FAAH: variants seen among roughly 807,000 people sequenced by gnomAD.
FAAH encodes the protein fatty-acid amide hydrolase 1.
FAAH carries 63 observed loss-of-function variants against 69.7 expected under a neutral mutation model. That is an observed-to-expected ratio of 0.90 (90% confidence interval 0.74 to 1.12). The LOEUF is 1.12. Ranked by LOEUF, FAAH falls within the 50% of genes most tolerant of loss-of-function variation. FAAH has a pLI of 0.00. For missense variants in FAAH, 680 were observed against 755.0 expected (o/e 0.90, Z 1.16); for synonymous variants, 305 against 324.2 (o/e 0.94, Z 0.64).
chr1:46,409,142 G>C lies in FAAH; in HGVS notation c.1119G>C (p.Glu373Asp). Residue 373 changes from glutamate (E) to aspartate (D), a missense_variant, in exon 9 of 15, where the codon GAG becomes GAC. Transcript: ENST00000243167. ...FLPSNIPHAL[E>D]TLSTGGLFSD... ...CAAGCAACATACCCCATGCTCTGGAGACCCTGTCAACAGGTGGGCTCTTCA... is the reference window on the plus strand; with the variant it reads ...CAAGCAACATACCCCATGCTCTGGACACCCTGTCAACAGGTGGGCTCTTCA... 6.2e-7 allele frequency: 1 copy of C among 1,614,038 alleles called. No individual in the cohort carries two copies. The highest frequency in any genetic ancestry group is 1.3e-5 in the African/African-American group (1 of 74,998).
chr1:46,413,396 G>T (rs1279098338), intron 14 of FAAH, 51 bp from the exon 15 acceptor site: 9 of 1,613,478 alleles, frequency 5.6e-6, no homozygotes, highest in African/African-American at 4.0e-5. Flanking sequence ...GGGCCTGGGG[G>T]TGGGGAGTCC....
At chr1:46,401,945 G>T in intron 1 of FAAH, 146 bp from the exon 2 acceptor site, 1 of 730,780 alleles carries the variant, frequency 1.4e-6, no homozygotes, top group Non-Finnish European at 2.4e-6. Flanking sequence ...AGCTTCTGGA[G>T]GAGACAGAGC....
intron 8 of FAAH, 35 bp downstream of exon 8, chr1:46,408,619 C>G (rs141765988): frequency 6.2e-7 from 1 of 1,613,880 alleles, no homozygotes; most frequent in South Asian, 1.1e-5. Flanking sequence ...ACTGGCATCT[C>G]CTCCCCTCAC....
At position 46,402,156 on chromosome 1, in the gene FAAH, C is replaced by T. The variant is rs200047384; in HGVS notation, c.261C>T (p.His87=). Residue 87 remains histidine (H), a synonymous_variant, in exon 2 of 15, where the codon CAC becomes CAT. Transcript: ENST00000243167. ...TGCCTCAGCTGGTGCAGAAGTTACA[C>T]AGTAGAGAGCTGGCCCCTGAGGCCG... is the stretch of plus-strand genomic sequence containing the variant. ...LPLPQLVQKL[H]SRELAPEAVL... is the part of the protein sequence containing the mutation. 3.1e-6 allele frequency: 5 copies of T among 1,609,726 alleles called. No homozygotes were observed. Among genetic ancestry groups the T allele is most frequent in the Non-Finnish European group, 4.2e-6 (5 of 1,178,080 alleles).
intron 2 of FAAH, among the ~76,000 whole-genome samples, chr1:46,403,847 G>T (rs1252307366): frequency 6.6e-6 from 1 of 152,258 alleles, no homozygotes; most frequent in African/African-American, 2.4e-5. Context: ...TTTGTGGACA[G>T]AGCTTGTCTC....
At chr1:46,406,441 C>G (rs952647627) in intron 7 of FAAH, 73 bp downstream of exon 7, 3 of 1,598,050 alleles carry the variant, frequency 1.9e-6, no homozygotes, top group South Asian at 1.1e-5. Context: ...GTGGGCAGGC[C>G]TTGGAGCCCC....
At position 46,402,178 on chromosome 1, in the gene FAAH, G is replaced by T; in HGVS notation, c.283G>T (p.Ala95Ser). ...ACACAGTAGAGAGCTGGCCCCTGAGGCCGTGCTCTTCACCTATGTGGGAAA... is the reference window on the plus strand; with the variant it reads ...ACACAGTAGAGAGCTGGCCCCTGAGTCCGTGCTCTTCACCTATGTGGGAAA... The part of the protein sequence containing the change: ...KLHSRELAPE[A>S]VLFTYVGKAW... Residue 95 changes from alanine (A) to serine (S), a missense_variant, in exon 2 of 15, where the codon GCC (alanine) becomes TCC (serine). By Grantham distance (99) the Ala-to-Ser change is moderately conservative. Transcript: ENST00000243167. 6.2e-7 allele frequency: 1 copy of T among 1,606,054 alleles called. No individual in the cohort carries two copies. The highest frequency in any genetic ancestry group is 1.1e-5 in the South Asian group (1 of 89,524).
chr1:46,407,063 A>G (rs1400835744), intron 7 of FAAH, among the ~76,000 whole-genome samples: 1 of 151,668 alleles, frequency 6.6e-6, no homozygotes. Context: ...TGCAGACCCC[A>G]GCTCATGTAG....
chr1:46,394,673 C>G, intron 1 of FAAH, 130 bp downstream of exon 1: 1 of 814,998 alleles, frequency 1.2e-6, no homozygotes, highest in Non-Finnish European at 1.7e-6. Context: ...AGAATCTCTC[C>G]TTGCCCTAAG....
intron 8 of FAAH, 109 bp from the exon 9 acceptor site, chr1:46,408,992 A>G (rs1664850703): frequency 1.2e-6 from 1 of 854,948 alleles, no homozygotes; most frequent in Non-Finnish European, 2.0e-6. Flanking sequence ...AGTGAGAGCT[A>G]TCTTGTGGGC....
At position 46,405,687 on chromosome 1, in the gene FAAH, G is replaced by T. The variant is rs573840685; in HGVS notation, c.678G>T (p.Gly226=). The T allele has an allele frequency of 6.2e-7, 1 of 1,613,584 alleles. No homozygotes were observed. Among genetic ancestry groups the T allele is most frequent in the Admixed American group, 1.7e-5 (1 of 60,032 alleles). Residue 226 remains glycine (G), a synonymous_variant, in exon 5 of 15, where the codon GGG becomes GGT. Transcript: ENST00000243167. The surrounding 1 kb of genome is among the most constrained non-coding windows in gnomAD (Gnocchi z 4.1). The part of the protein sequence containing the change: ...GSSGGEGALI[G]SGGSPLGLGT... The stretch of plus-strand genomic sequence containing the variant: ...CAGGGGGTGAAGGGGCCCTCATCGG[G>T]TCTGGAGGCTCCCCCCTGGGCTTAG...
At position 46,404,996 on chromosome 1, in the gene FAAH, C is replaced by G. The variant is rs1162331808; in HGVS notation, c.310-18C>G. ...AGGCCAGCCTCCTTTTATCTTATGT[C>G]TACTTCCCCTTCCTCAGGCCTGGGA... On this transcript the variant is annotated intron_variant, in intron 2 of 14. Coordinates refer to ENST00000243167, the MANE Select transcript of FAAH (RefSeq NM_001441.3). This position sits in a 1 kb window ranked among gnomAD's most constrained non-coding sequence, Gnocchi z 4.5. 6.2e-7 allele frequency: 1 copy of G among 1,613,998 alleles called. No homozygotes were observed. Among genetic ancestry groups the G allele is most frequent in the Non-Finnish European group, 8.5e-7 (1 of 1,180,028 alleles).
chr1:46,405,697 TC>T lies in FAAH; in HGVS notation c.694del (p.Leu232TrpfsTer3). ...AGGGGCCCTCATCGGGTCTGGAGGC[TC>T]CCCCCTGGGCTTAGGCACTGATATC... is the stretch of plus-strand genomic sequence containing the variant. ...GEGALIGSGG[S>X]PLGLGTDIGG... On this transcript the variant is annotated frameshift_variant, in exon 5 of 15. Transcript: ENST00000243167. LOFTEE classifies it high-confidence loss of function. This position sits in a 1 kb window ranked among gnomAD's most constrained non-coding sequence, Gnocchi z 4.1. 2 of 1,613,392 alleles carry T rather than the reference TC, an allele frequency of 1.2e-6. No homozygotes were observed. Among genetic ancestry groups the T allele is most frequent in the Non-Finnish European group, 8.5e-7 (1 of 1,180,002 alleles).
rs200678474 is a variant in FAAH, at chr1:46,411,898, C to G, written c.1357-245C>G. Among the ~76,000 whole-genome samples, 5 of 152,384 alleles carry G rather than the reference C, an allele frequency of 3.3e-5. No individual in the cohort carries two copies. In the East Asian group the frequency reaches 9.6e-4, roughly 29 times the overall value. On this transcript the variant is annotated intron_variant, in intron 12 of 14. Transcript: ENST00000243167. This position sits in a 1 kb window ranked among gnomAD's most constrained non-coding sequence, Gnocchi z 4.8. ...TGGCCGCCTTTTTGCCCCTCTGGAGCTGCCTTTGTGTGGCTCCGCCTCAGC... is the reference window on the plus strand; with the variant it reads ...TGGCCGCCTTTTTGCCCCTCTGGAGGTGCCTTTGTGTGGCTCCGCCTCAGC...
chr1:46,405,227 G>GC lies in FAAH; in HGVS notation c.444+82dup. On this transcript the variant is annotated intron_variant, in intron 3 of 14. Transcript: ENST00000243167. This position sits in a 1 kb window ranked among gnomAD's most constrained non-coding sequence, Gnocchi z 4.1. ...TGCTCTGCATCTTGGGTCATTTTGGGCCCTTAGAGGAGGTATCAGGTCCAG... is the reference window on the plus strand; with the variant it reads ...TGCTCTGCATCTTGGGTCATTTTGGGCCCCTTAGAGGAGGTATCAGGTCCAG... 1 of 1,612,198 alleles carries GC rather than the reference G, an allele frequency of 6.2e-7. No individual in the cohort carries two copies. The highest frequency in any genetic ancestry group is 8.5e-7 in the Non-Finnish European group (1 of 1,179,756).
chr1:46,405,334 C>G lies in FAAH; in HGVS notation c.445-38C>G. The G allele has an allele frequency of 6.2e-7, 1 of 1,606,508 alleles. No homozygotes were observed. The highest frequency in any genetic ancestry group is 8.5e-7 in the Non-Finnish European group (1 of 1,179,934). On this transcript the variant is annotated intron_variant, in intron 3 of 14. Transcript: ENST00000243167. This position sits in a 1 kb window ranked among gnomAD's most constrained non-coding sequence, Gnocchi z 4.1. The stretch of plus-strand genomic sequence containing the variant: ...GTGGACCCTTGGCTGCCCACGGGCC[C>G]TGACTCACTCCCTTCTGGTGCCCAT...
chr1:46,396,533 G>A (rs1290049180), intron 1 of FAAH, among the ~76,000 whole-genome samples: 1 of 152,182 alleles, frequency 6.6e-6, no homozygotes, highest in Non-Finnish European at 1.5e-5. Context: ...GGCTTTCTTG[G>A]GCAGAGGTGC....
In FAAH at chr1:46,406,515, C is replaced by T; in HGVS notation, c.951+147C>T. On this transcript the variant is annotated intron_variant, in intron 7 of 14. Transcript: ENST00000243167. ...GGCGGGTTGCTCCTCCACAGACGGC[C>T]ACCAGATGGAGCCCTTGCCTGCATT... The T allele has an allele frequency of 5.2e-6, 5 of 964,292 alleles. No individual in the cohort carries two copies. The South Asian group carries it at 7.0e-5, about 13-fold the overall frequency. 59.7% of individuals were successfully genotyped at this position (964,292 alleles called of 1,614,324 possible).
intron 1 of FAAH, 37 bp downstream of exon 1, chr1:46,394,580 A>T: frequency 7.7e-7 from 1 of 1,297,756 alleles, no homozygotes; most frequent in South Asian, 2.4e-5. Flanking sequence ...GCGCGGCCTG[A>T]GGGTACTCGC....
Sources: gnomAD v4.1 joint callset for allele counts (sites outside exome capture counted in the v4.1 genomes callset) on GRCh38, gnomAD v4.1.1 for gene constraint, Gnocchi (gnomAD v3.1) non-coding constraint, MANE v1.5 for transcripts, NCBI Gene and HGNC (gene_info 2026-07-23, HGNC 2026-07-21) for gene names.